Variants in DLGAP2 observed in about 807,000 individuals in gnomAD.
The protein encoded by DLGAP2 is disks large-associated protein 2.
A neutral mutation model predicts 100.3 loss-of-function variants in DLGAP2; 26 were observed. The observed-to-expected ratio is 0.26, with a 90% CI of 0.19 to 0.36. The LOEUF (loss-of-function observed/expected upper bound fraction) is 0.36, where lower values mean the gene tolerates loss of function less well. Ranked by LOEUF, DLGAP2 falls within the 10% of genes least tolerant of loss-of-function variation. DLGAP2 has a pLI of 1.00. For synonymous variants in DLGAP2, 886 were observed against 630.1 expected (o/e 1.41, Z -6.08); for missense variants, 1,858 against 1,453.2 (o/e 1.28, Z -4.53).
intron 6 of DLGAP2, among the ~76,000 whole-genome samples, chr8:1,592,754 A>C (rs1162965708): frequency 1.3e-5 from 2 of 152,126 alleles, no homozygotes; most frequent in South Asian, 4.1e-4. Context: ...GACCTCCTCA[A>C]ATGGAAGGGC....
chr8:759,792 G>A (rs1487290643), intron 1 of DLGAP2, among the ~76,000 whole-genome samples: 1 of 152,176 alleles, frequency 6.6e-6, no homozygotes, highest in Non-Finnish European at 1.5e-5. Context: ...TCTCTCGATA[G>A]AATTGAAACG....
intron 3 of DLGAP2, among the ~76,000 whole-genome samples, chr8:1,411,719 G>A (rs961142993): frequency 4.6e-5 from 7 of 152,152 alleles, no homozygotes; most frequent in South Asian, 2.1e-4. Flanking sequence ...ACGAAGCTGC[G>A]TGTCTACTTC....
intron 3 of DLGAP2, among the ~76,000 whole-genome samples, chr8:1,392,627 G>A (rs1247106076): frequency 1.3e-5 from 2 of 152,194 alleles, no homozygotes; most frequent in African/African-American, 2.4e-5. Flanking sequence ...CCTACATGGT[G>A]TGGAAACCCG....
chr8:1,565,976 G>A (rs947982715), intron 6 of DLGAP2, 82 bp downstream of exon 6: 1 of 1,214,110 alleles, frequency 8.2e-7, no homozygotes, highest in African/African-American at 1.5e-5. Flanking sequence ...TTCACCGTGA[G>A]CTGAGTGCCA....
At chr8:1,321,007 G>A (rs1289775890) in intron 3 of DLGAP2, among the ~76,000 whole-genome samples, 1 of 151,986 alleles carries the variant, frequency 6.6e-6, no homozygotes, top group Non-Finnish European at 1.5e-5. Flanking sequence ...GCCTCTGCGT[G>A]TGTGTGGGCA....
At chr8:1,149,148 C>CT (rs34944345) in intron 2 of DLGAP2, among the ~76,000 whole-genome samples, 14 of 150,286 alleles carry the variant, frequency 9.3e-5, no homozygotes, top group Middle Eastern at 3.4e-3. Context: ...GAATTACCCT[C>CT]TTTTTTTTTT....
intron 6 of DLGAP2, among the ~76,000 whole-genome samples, 170 bp downstream of exon 6, chr8:1,566,064 C>G (rs1447018711): frequency 6.6e-6 from 1 of 152,146 alleles, no homozygotes; most frequent in Non-Finnish European, 1.5e-5. Context: ...TAAAGAACAA[C>G]CAGAGCTTTT....
Position 1,704,208 on chromosome 8 carries a change from CT to C in DLGAP2, c.*2804del, listed in dbSNP as rs1006334699. The C allele has an allele frequency of 6.6e-6, 1 of 152,478 alleles. No individual in the cohort carries two copies. The highest frequency in any genetic ancestry group is 2.4e-5 in the African/African-American group (1 of 41,458). 9.4% of individuals were successfully genotyped at this position (152,478 alleles called of 1,614,324 possible). A position where few individuals can be genotyped will look rare whatever the true frequency, so the allele number is the denominator to read the frequency against. On this transcript the variant is annotated 3_prime_UTR_variant, in exon 15 of 15. Transcript: ENST00000637795. Reference sequence around the variant, plus strand: ...CCATTTCGTCATATTTAAAATATAACTTCAAGAAAAGAGTAAACATCCATTG... The same window carrying C: ...CCATTTCGTCATATTTAAAATATAACTCAAGAAAAGAGTAAACATCCATTG...
At position 1,668,513 on chromosome 8, in the gene DLGAP2, C is replaced by G. The variant is rs756032238; in HGVS notation, c.1995C>G (p.Asp665Glu). The G allele has an allele frequency of 9.4e-6, 15 of 1,593,068 alleles. No homozygotes were observed. The highest frequency in any genetic ancestry group is 1.1e-5 in the Non-Finnish European group (13 of 1,170,816). The change falls in exon 9 of 15, where the codon GAC becomes GAG. Residue 665 changes from aspartate (D) to glutamate (E), a missense_variant. By Grantham distance (45) the Asp-to-Glu change is conservative. Transcript: ENST00000637795. The part of the protein sequence containing the change: ...QDSRGLYNST[D>E]SLDSNKAMNL... The stretch of plus-strand genomic sequence containing the variant: ...GCCGCGGCCTCTACAACTCCACGGA[C>G]AGCCTGGACAGCAACAAGGCCATGA...
intron 6 of DLGAP2, among the ~76,000 whole-genome samples, chr8:1,575,471 T>TTATTATTATTATTAG (rs1802928310): frequency 6.7e-6 from 1 of 148,680 alleles, no homozygotes; most frequent in South Asian, 2.1e-4. Context: ...ATTATTATTA[T>TTATTATTATTATTAG]TATTATTATT....
At chr8:759,333 G>C (rs1821016844) in intron 1 of DLGAP2, among the ~76,000 whole-genome samples, 1 of 148,640 alleles carries the variant, frequency 6.7e-6, no homozygotes, top group Non-Finnish European at 1.5e-5. Flanking sequence ...TGAGTGGTGT[G>C]TCTGCCACAG....
intron 2 of DLGAP2, among the ~76,000 whole-genome samples, chr8:1,130,032 A>G (rs1796253697): frequency 6.6e-6 from 1 of 152,190 alleles, no homozygotes; most frequent in Non-Finnish European, 1.5e-5. Context: ...CACGTCGGGC[A>G]CTTCACACAA....
intron 4 of DLGAP2, among the ~76,000 whole-genome samples, chr8:1,539,984 C>T (rs1162068199): frequency 6.6e-6 from 1 of 152,202 alleles, no homozygotes; most frequent in Non-Finnish European, 1.5e-5. Context: ...CTCAGAAGCC[C>T]AGCAAAGTCC....
intron 6 of DLGAP2, among the ~76,000 whole-genome samples, chr8:1,566,348 G>C (rs971224669): frequency 1.3e-5 from 2 of 152,080 alleles, no homozygotes; most frequent in Non-Finnish European, 2.9e-5. Flanking sequence ...AAATGGACTA[G>C]CTTTATAAAT....
At chr8:1,272,005 G>T (rs73168500) in intron 3 of DLGAP2, among the ~76,000 whole-genome samples, 5,138 of 152,084 alleles carry the variant, frequency 0.034, 138 homozygotes, top group African/African-American at 0.078. Flanking sequence ...GTAGAGATGG[G>T]ATTTCACTAC....
intron 3 of DLGAP2, among the ~76,000 whole-genome samples, chr8:1,467,503 C>G (rs1215373136): frequency 6.6e-6 from 1 of 152,082 alleles, no homozygotes; most frequent in Admixed American, 6.5e-5. Context: ...GACCTCGGCT[C>G]CAGACCCCCA....
chr8:1,665,039 G>T (rs1022325286), intron 8 of DLGAP2, among the ~76,000 whole-genome samples: 2 of 152,140 alleles, frequency 1.3e-5, no homozygotes, highest in Admixed American at 1.3e-4. Context: ...TTTTTACAAA[G>T]AAATCAGTTT....
At chr8:1,196,694 A>G (rs1041330199) in intron 2 of DLGAP2, among the ~76,000 whole-genome samples, 6 of 152,192 alleles carry the variant, frequency 3.9e-5, no homozygotes, top group Non-Finnish European at 7.3e-5. Context: ...GCCATCTGCC[A>G]TGATTTCCCA....
At chr8:1,651,788 T>C (rs909398094) in intron 8 of DLGAP2, among the ~76,000 whole-genome samples, 6 of 152,174 alleles carry the variant, frequency 3.9e-5, no homozygotes, top group Admixed American at 2.0e-4. Flanking sequence ...CATCTGGGTA[T>C]GTGCTCATCA....
Sources: gnomAD v4.1 joint callset for allele counts (sites outside exome capture counted in the v4.1 genomes callset) on GRCh38, gnomAD v4.1.1 for gene constraint, MANE v1.5 for transcripts, NCBI Gene and HGNC (gene_info 2026-07-23, HGNC 2026-07-21) for gene names.